CACNA1H: variants seen among roughly 807,000 people sequenced by gnomAD.
CACNA1H encodes voltage-dependent T-type calcium channel subunit alpha-1H.
A neutral mutation model predicts 192.5 loss-of-function variants in CACNA1H; 149 were observed. That is an observed-to-expected ratio of 0.77 (90% CI 0.68 to 0.89). The LOEUF is 0.89. Ranked by LOEUF, CACNA1H falls within the 40% of genes least tolerant of loss-of-function variation. The pLI, the probability that CACNA1H is intolerant of heterozygous loss-of-function variation, is 0.00. For synonymous variants in CACNA1H, 2,202 were observed against 1,475.2 expected, an observed-to-expected ratio of 1.49 and a Z score of -11.29; for missense variants, 4,257 against 3,423.5, an observed-to-expected ratio of 1.24 and a Z score of -6.08.
rs762705080 is a variant in CACNA1H, at chr16:1,207,736, C to T, written c.3064-34C>T. The T allele has an allele frequency of 8.9e-5, 138 of 1,551,506 alleles. 1 individual carries two copies. In the South Asian group the frequency reaches 1.6e-3, roughly 18 times the overall value. On this transcript the variant is annotated intron_variant, in intron 14 of 34. Transcript: ENST00000348261. Reference sequence around the variant, plus strand: ...CATGAAGGGTCCCCACTCACGGGGCCCCTCATGCCTGCCTTGTGCTTTGTT... The same window carrying T: ...CATGAAGGGTCCCCACTCACGGGGCTCCTCATGCCTGCCTTGTGCTTTGTT...
At chr16:1,171,139 C>T (rs1029579844) in intron 2 of CACNA1H, among the ~76,000 whole-genome samples, 1 of 152,176 alleles carries the variant, frequency 6.6e-6, no homozygotes, top group Non-Finnish European at 1.5e-5. Context: ...TGCCTTCCCA[C>T]CCGCACCCCT....
chr16:1,211,410 G>A (rs750051986), intron 22 of CACNA1H, 71 bp from the exon 23 acceptor site: 27 of 1,607,660 alleles, frequency 1.7e-5, no homozygotes, highest in East Asian at 4.5e-5. Flanking sequence ...GGCCTCACTC[G>A]CGCCCCAGGA....
chr16:1,170,021 G>A (rs550217270), intron 2 of CACNA1H, among the ~76,000 whole-genome samples: 7 of 152,350 alleles, frequency 4.6e-5, no homozygotes, highest in Admixed American at 3.3e-4. Flanking sequence ...CAGGGCTCAA[G>A]TCCCGGTGGG....
At chr16:1,155,124 C>G (rs1962146408) in intron 2 of CACNA1H, among the ~76,000 whole-genome samples, 1 of 152,220 alleles carries the variant, frequency 6.6e-6, no homozygotes, top group Admixed American at 6.5e-5. Context: ...AAAGAGGAAT[C>G]TGTACAAAAA....
At position 1,220,706 on chromosome 16, in the gene CACNA1H, T is replaced by C. The variant is rs2141412151; in HGVS notation, c.6774T>C (p.Ala2258=). The change falls in exon 35 of 35, where the codon GCT becomes GCC. Residue 2258 remains alanine (A), a synonymous_variant. Coordinates refer to ENST00000348261, the MANE Select transcript of CACNA1H (RefSeq NM_021098.3). ...GCTGGGGCCAGGCCTCCTGCCGGGCTGAGCACCTGACCGTCCCCAGCTTTG... is the reference window on the plus strand; with the variant it reads ...GCTGGGGCCAGGCCTCCTGCCGGGCCGAGCACCTGACCGTCCCCAGCTTTG... ...GERWGQASCR[A]EHLTVPSFAF... 1 of 1,611,614 alleles carries C rather than the reference T, an allele frequency of 6.2e-7. No homozygotes were observed. Among genetic ancestry groups the C allele is most frequent in the Non-Finnish European group, 8.5e-7 (1 of 1,179,474 alleles).
chr16:1,188,359 G>A (rs891808237), intron 2 of CACNA1H, among the ~76,000 whole-genome samples: 3 of 152,132 alleles, frequency 2.0e-5, no homozygotes, highest in Non-Finnish European at 4.4e-5. Context: ...CCTGGAGACC[G>A]CTGGCTCTGG....
intron 2 of CACNA1H, among the ~76,000 whole-genome samples, chr16:1,181,169 C>G (rs989572484): frequency 2.8e-4 from 42 of 152,368 alleles, no homozygotes; most frequent in Admixed American, 2.5e-3. Context: ...CCCCTCCTGG[C>G]TGGGTTTCTG....
chr16:1,219,161 C>T, intron 34 of CACNA1H, 31 bp downstream of exon 34: 3 of 1,495,474 alleles, frequency 2.0e-6, no homozygotes, highest in South Asian at 1.3e-5. Flanking sequence ...GCAGCAGAGG[C>T]TGGCGGGGAT....
intron 2 of CACNA1H, chr16:1,158,091 G>C (rs1366752915): frequency 1.3e-5 from 2 of 152,328 alleles, no homozygotes; most frequent in Non-Finnish European, 2.9e-5. Flanking sequence ...TGGCATTGCA[G>C]TGTTCCTGGG....
chr16:1,204,620 G>A (rs1012103327), intron 10 of CACNA1H, among the ~76,000 whole-genome samples, 162 bp downstream of exon 10: 2 of 152,186 alleles, frequency 1.3e-5, no homozygotes, highest in South Asian at 2.1e-4. Flanking sequence ...CAGGTGTGCC[G>A]AGCCTCCACT....
intron 2 of CACNA1H, among the ~76,000 whole-genome samples, chr16:1,177,585 T>G (rs774481318): frequency 6.6e-5 from 10 of 151,960 alleles, no homozygotes; most frequent in Non-Finnish European, 1.3e-4. Flanking sequence ...CAGGACAGGC[T>G]TGGGAGGGGG....
At chr16:1,208,304 T>C (rs1470317065) in intron 16 of CACNA1H, 83 bp downstream of exon 16, 3 of 943,558 alleles carry the variant, frequency 3.2e-6, no homozygotes, top group East Asian at 5.2e-5. Context: ...TGAAGATGAG[T>C]GAGGGCCGCA....
intron 2 of CACNA1H, among the ~76,000 whole-genome samples, chr16:1,194,621 G>T (rs561697817): frequency 6.6e-6 from 1 of 152,208 alleles, no homozygotes; most frequent in African/African-American, 2.4e-5. Flanking sequence ...GCCCCATGTG[G>T]GCAGCTAGGC....
At chr16:1,197,107 C>T (rs1360562793) in intron 5 of CACNA1H, among the ~76,000 whole-genome samples, 1 of 152,226 alleles carries the variant, frequency 6.6e-6, no homozygotes, top group Non-Finnish European at 1.5e-5. Flanking sequence ...GGTGGGTCAT[C>T]CTCGTGCCGC....
At chr16:1,215,493 G>C in intron 29 of CACNA1H, 30 bp from the exon 30 acceptor site, 1 of 1,606,554 alleles carries the variant, frequency 6.2e-7, no homozygotes. Flanking sequence ...GGTCCGCCCA[G>C]CCCTGCTGAC....
chr16:1,166,767 C>CCCTTCCA (rs1963827565), intron 2 of CACNA1H, among the ~76,000 whole-genome samples: 1 of 152,184 alleles, frequency 6.6e-6, no homozygotes, highest in South Asian at 2.1e-4. Context: ...AGAGCCCTGA[C>CCCTTCCA]CCTTCCACGG....
chr16:1,209,300 C>A lies in CACNA1H; in HGVS notation c.3632C>A (p.Pro1211His), dbSNP rs761761029. Residue 1211 changes from proline (P) to histidine (H), a missense_variant, in exon 17 of 35, where the codon CCT (proline) becomes CAT (histidine). By Grantham distance (77) the Pro-to-His change is moderately conservative (BLOSUM62 -2). Transcript: ENST00000348261. ...CCCCTGCGGCCGGCCGCCCTCCCGC[C>A]TACCAAGTGCCGCGATCGCGACGGG... ...PRPLRPAALP[P>H]TKCRDRDGQV... is the part of the protein sequence containing the mutation. 6.3e-7 allele frequency: 1 copy of A among 1,593,360 alleles called. No homozygotes were observed. Among genetic ancestry groups the A allele is most frequent in the Admixed American group, 1.7e-5 (1 of 59,148 alleles).
In CACNA1H at chr16:1,219,994, C is replaced by T; in HGVS notation, c.6062C>T (p.Thr2021Ile). 2.2e-6 allele frequency: 3 copies of T among 1,342,184 alleles called. No homozygotes were observed. The highest frequency in any genetic ancestry group is 1.9e-6 in the Non-Finnish European group (2 of 1,043,182). 83.1% of individuals were successfully genotyped at this position (1,342,184 alleles called of 1,614,324 possible). A position where few individuals can be genotyped will look rare whatever the true frequency, so the allele number is the denominator to read the frequency against. Residue 2021 changes from threonine (T) to isoleucine (I), a missense_variant, in exon 35 of 35, where the codon ACC becomes ATC. Coordinates refer to ENST00000348261, the MANE Select transcript of CACNA1H (RefSeq NM_021098.3). ...RLLCRQEAVH[T>I]DSLEGKIDSP... ...ACGCCCCCACAGGAGGCTGTGCACA[C>T]CGATTCCTTGGAAGGGAAGATTGAC...
In CACNA1H at chr16:1,213,788, C is replaced by T. The variant is rs1248000181; in HGVS notation, c.4786C>T (p.Arg1596Cys). The T allele has an allele frequency of 2.7e-5, 42 of 1,558,176 alleles. 1 individual carries two copies. The highest frequency in any genetic ancestry group is 1.7e-4 in the Middle Eastern group (1 of 5,990). ...GGCCGCCCTCCCCGCAGAGGCCCAG[C>T]GCCGGCCCTACTATGCCGACTACTC... ...RSTFPSPEAQ[R>C]RPYYADYSPT... The change falls in exon 27 of 35, where the codon CGC (arginine) becomes TGC (cysteine). Residue 1596 changes from arginine to cysteine, a missense_variant. Arg to Cys is a radical substitution (Grantham distance 180). Coordinates refer to ENST00000348261, the MANE Select transcript of CACNA1H (RefSeq NM_021098.3).
Sources: gnomAD v4.1 joint callset for allele counts (sites outside exome capture counted in the v4.1 genomes callset) on GRCh38, gnomAD v4.1.1 for gene constraint, MANE v1.5 for transcripts, NCBI Gene and HGNC (gene_info 2026-07-23, HGNC 2026-07-21) for gene names.